CLSTN2: variants seen among roughly 807,000 people sequenced by gnomAD.
The protein encoded by CLSTN2 is calsyntenin-2.
CLSTN2 carries 48 observed loss-of-function variants against 101.2 expected under a neutral mutation model. The observed-to-expected ratio is 0.47, with a 90% CI of 0.38 to 0.60. The LOEUF (loss-of-function observed/expected upper bound fraction) is 0.60. Ranked by LOEUF, CLSTN2 falls within the 20% of genes least tolerant of loss-of-function variation. The pLI, the probability that CLSTN2 is intolerant of heterozygous loss-of-function variation, is 0.00. For synonymous variants in CLSTN2, 481 were observed against 463.6 expected (o/e 1.04, Z -0.48); for missense variants, 1,160 against 1,238.2 (o/e 0.94, Z 0.95).
At chr3:140,048,411 C>T (rs1266367424) in intron 1 of CLSTN2, among the ~76,000 whole-genome samples, 1 of 152,212 alleles carries the variant, frequency 6.6e-6, no homozygotes, top group Non-Finnish European at 1.5e-5. Context: ...TCCTTAAGTC[C>T]TGCCTACATA....
At chr3:140,379,586 G>A (rs1403254903) in intron 2 of CLSTN2, among the ~76,000 whole-genome samples, 2 of 152,182 alleles carry the variant, frequency 1.3e-5, no homozygotes, top group Non-Finnish European at 2.9e-5. Flanking sequence ...CTGGGGAAGG[G>A]AACATGGGAG....
rs142674942 is a variant in CLSTN2 at position 140,504,171 on chromosome 3, C to T, written c.1345-28153C>T. 1.8e-4 allele frequency among the ~76,000 whole-genome samples: 27 copies of T among 152,192 alleles called. No individual in the cohort carries two copies. The East Asian group carries it at 4.3e-3, about 24-fold the overall frequency. ...TTAGCTTTCTCTGTGTGGAGCAGGG[C>T]GCCTGATACATGGCAGGCTCCATGC... On this transcript the variant is annotated intron_variant, in intron 8 of 16. Coordinates refer to ENST00000458420, the MANE Select transcript of CLSTN2 (RefSeq NM_022131.3).
intron 8 of CLSTN2, among the ~76,000 whole-genome samples, chr3:140,486,047 A>G (rs1390826162): frequency 6.6e-6 from 1 of 152,100 alleles, no homozygotes; most frequent in Admixed American, 6.6e-5. Context: ...TCACACCGAG[A>G]GCTGTAGAAT....
At chr3:140,269,290 C>G (rs1020621725) in intron 2 of CLSTN2, among the ~76,000 whole-genome samples, 11 of 152,142 alleles carry the variant, frequency 7.2e-5, no homozygotes. Flanking sequence ...GTGTTTGTCC[C>G]CAATAGCTTT....
intron 1 of CLSTN2, among the ~76,000 whole-genome samples, chr3:139,964,046 G>A (rs566333685): frequency 2.1e-4 from 32 of 152,152 alleles, no homozygotes; most frequent in Non-Finnish European, 4.0e-4. Context: ...TCACACCACC[G>A]TTTGTGTCTC....
intron 4 of CLSTN2, among the ~76,000 whole-genome samples, chr3:140,406,204 G>A (rs1281547322): frequency 6.6e-6 from 1 of 152,190 alleles, no homozygotes; most frequent in South Asian, 2.1e-4. Context: ...ACTTCATGAT[G>A]TTGAGACCAG....
chr3:140,070,523 C>T (rs16849809), intron 1 of CLSTN2, among the ~76,000 whole-genome samples: 19,490 of 152,130 alleles, frequency 0.13, 1,278 homozygotes, highest in East Asian at 0.16. Flanking sequence ...TGTTCAGGAG[C>T]TATAGGAGAA....
chr3:140,288,427 C>T (rs1207273211), intron 2 of CLSTN2, among the ~76,000 whole-genome samples: 1 of 152,100 alleles, frequency 6.6e-6, no homozygotes, highest in East Asian at 1.9e-4. Flanking sequence ...TCCAGCTGTT[C>T]CAAGAGGATT....
At chr3:140,083,208 T>C (rs1219428090) in intron 1 of CLSTN2, among the ~76,000 whole-genome samples, 1 of 152,100 alleles carries the variant, frequency 6.6e-6, no homozygotes, top group East Asian at 1.9e-4. Flanking sequence ...TAATGTCGTC[T>C]TCTCAAGACT....
At chr3:140,474,928 T>C (rs1933945168) in intron 8 of CLSTN2, among the ~76,000 whole-genome samples, 1 of 152,186 alleles carries the variant, frequency 6.6e-6, no homozygotes, top group Admixed American at 6.5e-5. Context: ...CACCCTGCAC[T>C]TTCTCAGGGG....
intron 1 of CLSTN2, among the ~76,000 whole-genome samples, chr3:139,986,491 G>C (rs1936022489): frequency 6.6e-6 from 1 of 152,134 alleles, no homozygotes; most frequent in African/African-American, 2.4e-5. Context: ...GAATACTATA[G>C]GGAGGGTGTT....
chr3:140,564,361 A>G (rs1935990398), intron 16 of CLSTN2, among the ~76,000 whole-genome samples: 1 of 152,214 alleles, frequency 6.6e-6, no homozygotes. Flanking sequence ...CTGATTTAAA[A>G]TGTATTAATT....
chr3:140,427,041 TG>T (rs2088572569), intron 5 of CLSTN2, among the ~76,000 whole-genome samples: 1 of 150,312 alleles, frequency 6.7e-6, no homozygotes, highest in Non-Finnish European at 1.5e-5. Context: ...CCAGGCATGG[TG>T]GTGCATGCCT....
intron 1 of CLSTN2, among the ~76,000 whole-genome samples, chr3:140,068,588 G>T (rs901137200): frequency 1.3e-5 from 2 of 152,214 alleles, no homozygotes; most frequent in African/African-American, 4.8e-5. Context: ...GTGACAGTTT[G>T]ATTCCTGGGC....
chr3:140,264,549 C>T (rs936548888), intron 2 of CLSTN2, among the ~76,000 whole-genome samples: 1 of 151,710 alleles, frequency 6.6e-6, no homozygotes, highest in Admixed American at 6.6e-5. Flanking sequence ...CCCTGTATTT[C>T]CCTCCAAGTG....
intron 1 of CLSTN2, among the ~76,000 whole-genome samples, chr3:140,095,679 T>C (rs2008857673): frequency 6.6e-6 from 1 of 152,170 alleles, no homozygotes; most frequent in Admixed American, 6.6e-5. Flanking sequence ...GCATCCTGAT[T>C]ATGAGTATTG....
chr3:139,997,717 A>G (rs963910007), intron 1 of CLSTN2, among the ~76,000 whole-genome samples: 2 of 152,136 alleles, frequency 1.3e-5, no homozygotes, highest in Admixed American at 6.6e-5. Flanking sequence ...CACATTTCAA[A>G]TGTACATTTT....
intron 9 of CLSTN2, among the ~76,000 whole-genome samples, chr3:140,535,110 C>A (rs937348023): frequency 1.3e-5 from 2 of 152,228 alleles, no homozygotes; most frequent in Non-Finnish European, 2.9e-5. Context: ...CCCTCCCCAC[C>A]AACACACACA....
intron 1 of CLSTN2, among the ~76,000 whole-genome samples, chr3:139,956,983 G>A (rs148766355): frequency 2.2e-4 from 34 of 152,254 alleles, no homozygotes; most frequent in Admixed American, 1.0e-3. Flanking sequence ...TGCAATGAGC[G>A]TTGCCAATTT....
Sources: allele counts gnomAD v4.1 joint callset (sites outside exome capture counted in the v4.1 genomes callset), GRCh38; gene constraint gnomAD v4.1.1; transcripts MANE v1.5; gene names NCBI Gene and HGNC (gene_info 2026-07-23, HGNC 2026-07-21).